Variants in RYR2 observed in about 807,000 individuals in gnomAD.
The protein encoded by RYR2 is ryanodine receptor 2.
In RYR2, 227 loss-of-function variants were observed where a neutral mutation model predicts 601.1. That is an observed-to-expected ratio of 0.38 (90% CI 0.34 to 0.42). RYR2 has a LOEUF of 0.42. Among genes scored for constraint, RYR2 ranks in the 10% least tolerant of loss-of-function variants. RYR2 has a pLI of 1.00. For missense variants in RYR2, 4,646 were observed against 6,156.5 expected (o/e 0.75, Z 8.21); for synonymous variants, 2,223 against 2,175.1 (o/e 1.02, Z -0.61).
intron 1 of RYR2, among the ~76,000 whole-genome samples, chr1:237,205,779 G>T (rs773483709): frequency 5.3e-5 from 8 of 152,226 alleles, no homozygotes; most frequent in Admixed American, 2.0e-4. Flanking sequence ...AGGTCCTGCA[G>T]CTGCAGCTGA....
chr1:237,531,505 A>G (rs1668135979), intron 25 of RYR2, among the ~76,000 whole-genome samples: 4 of 152,218 alleles, frequency 2.6e-5, no homozygotes, highest in Admixed American at 2.6e-4. Flanking sequence ...TGTATTAAAT[A>G]ATAGCATCGA....
chr1:237,494,198 G>A (rs1394704766), intron 19 of RYR2, among the ~76,000 whole-genome samples: 1 of 152,160 alleles, frequency 6.6e-6, no homozygotes, highest in Admixed American at 6.5e-5. Flanking sequence ...CCGTCTGCAA[G>A]CTGAGGAACA....
At chr1:237,174,054 C>T (rs1038778939) in intron 1 of RYR2, among the ~76,000 whole-genome samples, 1 of 35,478 alleles carries the variant, frequency 2.8e-5, no homozygotes, top group African/African-American at 7.1e-5. Flanking sequence ...AAGACTCCAT[C>T]TCAAAAAACA....
At chr1:237,124,352 C>T (rs1371645728) in intron 1 of RYR2, among the ~76,000 whole-genome samples, 4 of 152,194 alleles carry the variant, frequency 2.6e-5, no homozygotes, top group Admixed American at 2.6e-4. Context: ...TGCTTGATTA[C>T]CTTCAGAAAC....
intron 27 of RYR2, among the ~76,000 whole-genome samples, chr1:237,553,826 A>T (rs1670631884): frequency 6.6e-6 from 1 of 151,942 alleles, no homozygotes; most frequent in African/African-American, 2.4e-5. Flanking sequence ...TTCCAACTGT[A>T]CACGAATATG....
intron 2 of RYR2, among the ~76,000 whole-genome samples, chr1:237,311,946 A>G (rs114910265): frequency 1.7e-3 from 252 of 152,306 alleles, no homozygotes; most frequent in Non-Finnish European, 3.0e-3. Context: ...AAATATTCTT[A>G]AAAAACATGT....
intron 27 of RYR2, among the ~76,000 whole-genome samples, chr1:237,553,270 G>T (rs988168): frequency 0.34 from 50,905 of 151,796 alleles, 9,418 homozygotes; most frequent in East Asian, 0.48. Flanking sequence ...TAAGATCAAG[G>T]TTCATTTGTT....
intron 10 of RYR2, among the ~76,000 whole-genome samples, chr1:237,404,360 T>C (rs1021531036): frequency 6.6e-6 from 1 of 152,184 alleles, no homozygotes; most frequent in Non-Finnish European, 1.5e-5. Context: ...GTCTGGAAAG[T>C]GGTAAAGTTA....
chr1:237,173,620 T>C (rs1677666818), intron 1 of RYR2, among the ~76,000 whole-genome samples: 1 of 152,210 alleles, frequency 6.6e-6, no homozygotes, highest in Non-Finnish European at 1.5e-5. Flanking sequence ...ACTGATCTCT[T>C]TCTCTGCATG....
At chr1:237,462,755 A>G (rs1173907331) in intron 16 of RYR2, among the ~76,000 whole-genome samples, 1 of 152,190 alleles carries the variant, frequency 6.6e-6, no homozygotes, top group East Asian at 1.9e-4. Context: ...CATTGAGAAA[A>G]GGCAGTCAAG....
chr1:237,447,448 A>G (rs1396283440), intron 14 of RYR2, among the ~76,000 whole-genome samples: 1 of 152,190 alleles, frequency 6.6e-6, no homozygotes, highest in African/African-American at 2.4e-5. Context: ...AAAATGTTGA[A>G]TTATACACTT....
chr1:237,561,857 T>C (rs779152283), intron 27 of RYR2, among the ~76,000 whole-genome samples: 15 of 152,146 alleles, frequency 9.9e-5, no homozygotes, highest in Non-Finnish European at 1.8e-4. Context: ...TGGGAGGCTT[T>C]AGAAAAATTG....
At chr1:237,385,132 A>G (rs892292274) in intron 8 of RYR2, among the ~76,000 whole-genome samples, 3 of 151,884 alleles carry the variant, frequency 2.0e-5, no homozygotes, top group Non-Finnish European at 4.4e-5. Context: ...CTCGTGATCC[A>G]CCTGCCTCAG....
intron 73 of RYR2, among the ~76,000 whole-genome samples, chr1:237,719,740 A>G (rs970552721): frequency 6.6e-6 from 1 of 151,700 alleles, no homozygotes; most frequent in Admixed American, 6.6e-5. Context: ...CCCATGATCA[A>G]CTCAGCTCCC....
intron 1 of RYR2, among the ~76,000 whole-genome samples, chr1:237,055,964 G>A (rs897041079): frequency 5.6e-5 from 8 of 142,194 alleles, no homozygotes; most frequent in East Asian, 2.3e-4. Context: ...ACTGGAGACC[G>A]TACTTGAGAG....
In RYR2 at chr1:237,405,684, G is replaced by T. The variant is rs907279582; in HGVS notation, c.774-11365G>T. On this transcript the variant is annotated intron_variant, in intron 10 of 104. Transcript: ENST00000366574. ...TTTACCTTTTATGAAACAAGAGAAA[G>T]AAGGATTTTAGGTCCTATTGATTTT... 2.0e-5 allele frequency among the ~76,000 whole-genome samples: 3 copies of T among 152,006 alleles called. No homozygotes were observed. In the East Asian group the frequency reaches 5.9e-4, roughly 30 times the overall value.
At chr1:237,699,821 CTG>C (rs1409595780) in intron 64 of RYR2, among the ~76,000 whole-genome samples, 5 of 152,170 alleles carry the variant, frequency 3.3e-5, no homozygotes, top group Non-Finnish European at 7.3e-5. Context: ...CACAAACATT[CTG>C]TATCATTTGT....
chr1:237,284,504 A>AAAATATATAAATATAATATGT (rs1491093314), intron 2 of RYR2, among the ~76,000 whole-genome samples: 1 of 139,078 alleles, frequency 7.2e-6, no homozygotes, highest in Non-Finnish European at 1.5e-5. Flanking sequence ...AAATATATAT[A>AAAATATATAAATATAATATGT]AAATATATAT....
intron 1 of RYR2, among the ~76,000 whole-genome samples, chr1:237,052,803 A>G (rs1210987198): frequency 3.9e-5 from 6 of 152,042 alleles, no homozygotes; most frequent in African/African-American, 1.5e-4. Flanking sequence ...CATTGCATAC[A>G]CAGGATCCAA....
Sources: allele counts gnomAD v4.1 joint callset (sites outside exome capture counted in the v4.1 genomes callset), GRCh38; gene constraint gnomAD v4.1.1; transcripts MANE v1.5; gene names NCBI Gene and HGNC (gene_info 2026-07-23, HGNC 2026-07-21).